GPC6: variants seen among roughly 807,000 people sequenced by gnomAD.
The protein encoded by GPC6 is glypican-6.
In GPC6, 14 loss-of-function variants were observed where a neutral mutation model predicts 55.2. The observed-to-expected ratio is 0.25, with a 90% CI of 0.17 to 0.40. The LOEUF is 0.40. Among genes scored for constraint, GPC6 ranks in the 10% least tolerant of loss-of-function variants. The pLI is 1.00. For synonymous variants in GPC6, 278 were observed against 259.6 expected (o/e 1.07, Z -0.68); for missense variants, 641 against 708.5 (o/e 0.90, Z 1.08).
intron 1 of GPC6, among the ~76,000 whole-genome samples, chr13:93,430,194 T>C (rs1472598797): frequency 6.6e-6 from 1 of 152,176 alleles, no homozygotes; most frequent in Admixed American, 6.6e-5. Context: ...GATGATTTTT[T>C]AGTCATGTCA....
intron 2 of GPC6, among the ~76,000 whole-genome samples, chr13:93,587,278 G>A (rs1234548788): frequency 6.6e-6 from 1 of 151,928 alleles, no homozygotes; most frequent in Non-Finnish European, 1.5e-5. Context: ...AGGATTGTTG[G>A]AAGTTATGAG....
chr13:93,609,633 C>G (rs968215205), intron 2 of GPC6, among the ~76,000 whole-genome samples: 1 of 152,180 alleles, frequency 6.6e-6, no homozygotes, highest in Non-Finnish European at 1.5e-5. Flanking sequence ...CCTGATTGAT[C>G]TCCTAAAAAT....
chr13:94,217,013 G>A (rs1381046613), intron 4 of GPC6, among the ~76,000 whole-genome samples: 1 of 152,152 alleles, frequency 6.6e-6, no homozygotes, highest in African/African-American at 2.4e-5. Context: ...GGAGATATCA[G>A]TATGTACCCT....
intron 2 of GPC6, among the ~76,000 whole-genome samples, chr13:93,749,627 CAT>C (rs1381133354): frequency 6.6e-6 from 1 of 151,674 alleles, no homozygotes; most frequent in Admixed American, 6.6e-5. Flanking sequence ...ATATTTATAA[CAT>C]GTATGACATT....
Position 94,119,079 on chromosome 13 carries a change from G to A in GPC6, c.877+91185G>A, listed in dbSNP as rs1049488937. Among the ~76,000 whole-genome samples, 4 of 152,030 alleles carry A rather than the reference G, an allele frequency of 2.6e-5. No individual in the cohort carries two copies. The East Asian group carries it at 5.8e-4, about 22-fold the overall frequency. On this transcript the variant is annotated intron_variant, in intron 4 of 8. Coordinates refer to ENST00000377047, the MANE Select transcript of GPC6 (RefSeq NM_005708.5). ...ATATACATTTAAAATTACAATATAT[G>A]TGTGTGCATATATGTATAAAATCAG...
chr13:93,496,138 C>T (rs9584122), intron 1 of GPC6, among the ~76,000 whole-genome samples: 4,553 of 152,186 alleles, frequency 0.03, 250 homozygotes, highest in African/African-American at 0.1. Flanking sequence ...TGCCTCCTTG[C>T]AGTTTGATCT....
intron 2 of GPC6, among the ~76,000 whole-genome samples, chr13:93,756,245 C>T (rs571700026): frequency 1.1e-4 from 17 of 152,254 alleles, no homozygotes; most frequent in Admixed American, 3.9e-4. Flanking sequence ...TTAAATTGCA[C>T]ACTTCAGAAT....
intron 3 of GPC6, among the ~76,000 whole-genome samples, chr13:93,850,716 G>T (rs1438753276): frequency 6.6e-6 from 1 of 151,916 alleles, no homozygotes; most frequent in Admixed American, 6.6e-5. Context: ...TCCAGAGCTC[G>T]TTAGACCAGA....
intron 1 of GPC6, among the ~76,000 whole-genome samples, chr13:93,258,385 A>G (rs1288477659): frequency 1.3e-5 from 2 of 152,144 alleles, no homozygotes; most frequent in Non-Finnish European, 2.9e-5. Flanking sequence ...AGGGTCAGGA[A>G]TAGGGCTCTC....
At chr13:94,015,032 T>A (rs562771387) in intron 3 of GPC6, among the ~76,000 whole-genome samples, 54 of 152,344 alleles carry the variant, frequency 3.5e-4, no homozygotes, top group Middle Eastern at 3.4e-3. Flanking sequence ...TATATTTTCA[T>A]TTCTCTTGAG....
intron 4 of GPC6, among the ~76,000 whole-genome samples, chr13:94,085,509 G>A (rs1312278799): frequency 2.0e-5 from 3 of 152,124 alleles, no homozygotes; most frequent in Admixed American, 2.0e-4. Context: ...CGAGAGATGG[G>A]TTAGGAGACT....
intron 1 of GPC6, among the ~76,000 whole-genome samples, chr13:93,229,118 C>G (rs1395690261): frequency 6.6e-6 from 1 of 152,172 alleles, no homozygotes; most frequent in African/African-American, 2.4e-5. Context: ...TTCCAGAACT[C>G]CTTAATTTGT....
chr13:93,904,711 G>A (rs1275464251), intron 3 of GPC6, among the ~76,000 whole-genome samples: 1 of 152,144 alleles, frequency 6.6e-6, no homozygotes, highest in Non-Finnish European at 1.5e-5. Flanking sequence ...ACTCCAGCCT[G>A]GGTGACAGAG....
chr13:94,244,766 C>G (rs1305156738), intron 4 of GPC6, among the ~76,000 whole-genome samples: 1 of 151,878 alleles, frequency 6.6e-6, no homozygotes, highest in East Asian at 1.9e-4. Context: ...AAATTTTACC[C>G]TTTTGCTGAA....
At position 94,357,449 on chromosome 13, in the gene GPC6, G is replaced by A. The variant is rs145628997; in HGVS notation, c.1153-24965G>A. Among the ~76,000 whole-genome samples, 237 of 152,254 alleles carry A rather than the reference G, an allele frequency of 1.6e-3. 1 individual carries two copies. Among genetic ancestry groups the A allele is most frequent in the African/African-American group, 5.4e-3 (226 of 41,540 alleles). On this transcript the variant is annotated intron_variant, in intron 6 of 8. Transcript: ENST00000377047. Reference sequence around the variant, plus strand: ...GTACCTCTGGACCATCTGATGCTCCGCGGGTAATACTTATCCATCAGAAGC... The same window carrying A: ...GTACCTCTGGACCATCTGATGCTCCACGGGTAATACTTATCCATCAGAAGC...
At chr13:94,394,832 A>G (rs1198157543) in intron 7 of GPC6, among the ~76,000 whole-genome samples, 5 of 152,240 alleles carry the variant, frequency 3.3e-5, no homozygotes, top group Admixed American at 2.0e-4. Flanking sequence ...GCTGAGCATC[A>G]GTAGGCACAG....
chr13:93,393,421 G>A (rs1208002414), intron 1 of GPC6, among the ~76,000 whole-genome samples: 1 of 152,000 alleles, frequency 6.6e-6, no homozygotes. Flanking sequence ...TGGGATTACA[G>A]GAGTGAATCA....
intron 1 of GPC6, among the ~76,000 whole-genome samples, chr13:93,345,611 ACAGAGT>A (rs1880400895): frequency 6.6e-6 from 1 of 152,200 alleles, no homozygotes; most frequent in African/African-American, 2.4e-5. Flanking sequence ...AAGAAAAGGA[ACAGAGT>A]CATTCATTGG....
At chr13:93,518,777 G>T (rs1034035666) in intron 1 of GPC6, among the ~76,000 whole-genome samples, 1 of 151,962 alleles carries the variant, frequency 6.6e-6, no homozygotes, top group Non-Finnish European at 1.5e-5. Flanking sequence ...AGATTTAAAA[G>T]CACTTTGTTT....
Sources: allele counts gnomAD v4.1 joint callset (sites outside exome capture counted in the v4.1 genomes callset), GRCh38; gene constraint gnomAD v4.1.1; transcripts MANE v1.5; gene names NCBI Gene and HGNC (gene_info 2026-07-23, HGNC 2026-07-21).